COLEC11: variants seen among roughly 807,000 people sequenced by gnomAD.
COLEC11 encodes the protein collectin-11.
A neutral mutation model predicts 27.3 loss-of-function variants in COLEC11; 20 were observed. The ratio of observed to expected loss-of-function variants is 0.73; its 90% CI spans 0.51 to 1.06. The LOEUF is 1.06. COLEC11 is among the 50% of genes least tolerant of loss of function. COLEC11 has a pLI of 0.00. For missense variants in COLEC11, 310 were observed against 383.0 expected (o/e 0.81, Z 1.59); for synonymous variants, 163 against 154.7 (o/e 1.05, Z -0.40).
chr2:3,623,827 T>A (rs752724890), intron 3 of COLEC11, among the ~76,000 whole-genome samples: 24 of 152,264 alleles, frequency 1.6e-4, no homozygotes, highest in Middle Eastern at 3.4e-3. Context: ...TTGGGATTGG[T>A]TTACTAGAGT....
intron 4 of COLEC11, 91 bp from the exon 5 acceptor site, chr2:3,640,187 G>C: frequency 3.6e-6 from 3 of 833,072 alleles, no homozygotes; most frequent in Non-Finnish European, 4.1e-6. Flanking sequence ...ATAAATCCGC[G>C]AGACAAATCA....
intron 1 of COLEC11, among the ~76,000 whole-genome samples, chr2:3,603,155 C>T (rs1662360978): frequency 6.6e-6 from 1 of 152,162 alleles, no homozygotes; most frequent in Admixed American, 6.5e-5. Flanking sequence ...TCCCAGCTCG[C>T]CACGGCTCTT....
At chr2:3,613,217 G>C in intron 2 of COLEC11, 94 bp from the exon 3 acceptor site, 1 of 1,376,940 alleles carries the variant, frequency 7.3e-7, no homozygotes, top group South Asian at 1.2e-5. Context: ...CAGGGACCCG[G>C]GGAGAACGCT....
intron 3 of COLEC11, among the ~76,000 whole-genome samples, chr2:3,630,590 T>C (rs1048110263): frequency 1.8e-4 from 28 of 152,312 alleles, no homozygotes; most frequent in African/African-American, 6.7e-4. Context: ...ACTGGGAAAG[T>C]TGGATGCTTA....
rs1224605897 is a variant in COLEC11 at position 3,636,094 on chromosome 2, T to C, written c.203-1439T>C. ...AGACTAGGAGTTCCTGGCAGGGAAG[T>C]CCTTGGTTCTAAGGAGGCAGGTGGC... On this transcript the variant is annotated intron_variant, in intron 3 of 6. Transcript: ENST00000349077. 2.0e-5 allele frequency among the ~76,000 whole-genome samples: 3 copies of C among 152,316 alleles called. No individual in the cohort carries two copies. In the East Asian group the frequency reaches 5.8e-4, roughly 29 times the overall value.
At position 3,617,804 on chromosome 2, in the gene COLEC11, C is replaced by A. The variant is rs908161442; in HGVS notation, c.202+4422C>A. On this transcript the variant is annotated intron_variant, in intron 3 of 6. Coordinates refer to ENST00000349077, the MANE Select transcript of COLEC11 (RefSeq NM_024027.5). Reference sequence around the variant, plus strand: ...GAGCCTCTGTACTGTTTTCCATTCCCACCAGCAATGTCTAAGGGCTCGCCT... The same window carrying A: ...GAGCCTCTGTACTGTTTTCCATTCCAACCAGCAATGTCTAAGGGCTCGCCT... The A allele has an allele frequency of 1.6e-5, 12 of 762,794 alleles. 1 individual carries two copies. The Middle Eastern group carries it at 1.5e-3, about 98-fold the overall frequency. The allele number at this position is 762,794 out of a possible 1,614,324, so 47.3% of individuals were successfully genotyped here. A position where few individuals can be genotyped will look rare whatever the true frequency, so the allele number is the denominator to read the frequency against.
In COLEC11 at chr2:3,636,631, C is replaced by G. The variant is rs1572467690; in HGVS notation, c.203-902C>G. ...CTGAGTTAAATCAGGTTGCCTGTTT[C>G]TTTTCCCAGTTTTTCCCTATGTACT... is the stretch of plus-strand genomic sequence containing the variant. On this transcript the variant is annotated intron_variant, in intron 3 of 6. Transcript: ENST00000349077. 1.3e-5 allele frequency among the ~76,000 whole-genome samples: 2 copies of G among 152,206 alleles called. 1 individual carries two copies. The highest frequency in any genetic ancestry group is 4.8e-5 in the African/African-American group (2 of 41,454).
intron 3 of COLEC11, among the ~76,000 whole-genome samples, chr2:3,625,316 G>A (rs1011403553): frequency 6.6e-5 from 10 of 152,194 alleles, no homozygotes; most frequent in African/African-American, 2.2e-4. Context: ...GGGTGGGCAC[G>A]GATGGAGGGT....
intron 3 of COLEC11, among the ~76,000 whole-genome samples, chr2:3,627,685 G>T (rs1244452363): frequency 6.6e-6 from 1 of 150,632 alleles, no homozygotes; most frequent in African/African-American, 2.4e-5. Flanking sequence ...GCACAGTGAC[G>T]CTGGGCACGA....
intron 1 of COLEC11, among the ~76,000 whole-genome samples, chr2:3,597,746 G>A (rs1337897658): frequency 6.6e-6 from 1 of 151,808 alleles, no homozygotes; most frequent in Non-Finnish European, 1.5e-5. Context: ...TGCGTACTGA[G>A]TGGGTGGGGA....
chr2:3,629,638 CGT>C lies in COLEC11; in HGVS notation c.203-7887_203-7886del, dbSNP rs550765832. On this transcript the variant is annotated intron_variant, in intron 3 of 6. Transcript: ENST00000349077. ...AGCATTTGTGTGTATGTGCATATAG[CGT>C]GTGTGTGAATAGTATGTATGTGTAT... Among the ~76,000 whole-genome samples the C allele has an allele frequency of 1.5e-3, 229 of 152,036 alleles. 2 individuals carry two copies. Among genetic ancestry groups the C allele is most frequent in the Non-Finnish European group, 2.3e-3 (153 of 67,992 alleles).
Position 3,616,307 on chromosome 2 carries a change from C to T in COLEC11, c.202+2925C>T, listed in dbSNP as rs554396553. 2.8e-3 allele frequency among the ~76,000 whole-genome samples: 421 copies of T among 149,940 alleles called. 15 individuals carry two copies. Among genetic ancestry groups the T allele is most frequent in the African/African-American group, 0.01 (403 of 39,912 alleles). On this transcript the variant is annotated intron_variant, in intron 3 of 6. Coordinates refer to ENST00000349077, the MANE Select transcript of COLEC11 (RefSeq NM_024027.5). ...GCCGGGCAGAGGGGCTCCTCACATC[C>T]GAGACTATGGGCGGCCAGGCAGAGA...
intron 2 of COLEC11, among the ~76,000 whole-genome samples, chr2:3,607,924 C>T (rs1428814781): frequency 6.6e-6 from 1 of 152,222 alleles, no homozygotes; most frequent in East Asian, 1.9e-4. Context: ...TCCTGGCTTT[C>T]TCCTCTCTGA....
intron 2 of COLEC11, chr2:3,605,023 G>A (rs1471158688): frequency 2.1e-6 from 1 of 470,692 alleles, no homozygotes; most frequent in African/African-American, 2.0e-5. Context: ...TAGTTCTGCA[G>A]GTGAGGCATG....
intron 5 of COLEC11, among the ~76,000 whole-genome samples, chr2:3,641,060 A>C (rs1395336173): frequency 5.8e-4 from 38 of 65,772 alleles, no homozygotes; most frequent in Non-Finnish European, 5.6e-4. Flanking sequence ...CCCACCCACC[A>C]TGTAGACCCC....
At chr2:3,638,957 C>A (rs531524454) in intron 4 of COLEC11, among the ~76,000 whole-genome samples, 1 of 152,238 alleles carries the variant, frequency 6.6e-6, no homozygotes, top group Non-Finnish European at 1.5e-5. Flanking sequence ...TCCCACTAAC[C>A]AGTGGCTCCC....
chr2:3,617,367 A>G (rs1184479152), intron 3 of COLEC11, among the ~76,000 whole-genome samples: 1 of 152,286 alleles, frequency 6.6e-6, no homozygotes, highest in East Asian at 1.9e-4. Flanking sequence ...AGCCAGCCAG[A>G]CAGATGGGAG....
intron 3 of COLEC11, among the ~76,000 whole-genome samples, chr2:3,613,915 C>T (rs981472723): frequency 6.6e-6 from 1 of 151,496 alleles, no homozygotes; most frequent in Non-Finnish European, 1.5e-5. Context: ...TGGCTATTAT[C>T]TTTATATACT....
rs760954666 is a variant in COLEC11, at chr2:3,643,749, G to A, written c.447G>A (p.Thr149=). The A allele has an allele frequency of 9.3e-6, 15 of 1,613,526 alleles. No homozygotes were observed. The highest frequency in any genetic ancestry group is 2.2e-5 in the East Asian group (1 of 44,894). The change falls in exon 7 of 7, where the codon ACG becomes ACA. Residue 149 remains threonine, a synonymous_variant. Transcript: ENST00000349077. ...CAGCTGTCGCCGGTGTGCGCGAGAC[G>A]GAGAGCAAGATCTACCTGCTGGTGA... The part of the protein sequence containing the change: ...IKNAVAGVRE[T]ESKIYLLVKE...
Sources: gnomAD v4.1 joint callset for allele counts (sites outside exome capture counted in the v4.1 genomes callset) on GRCh38, gnomAD v4.1.1 for gene constraint, MANE v1.5 for transcripts, NCBI Gene and HGNC (gene_info 2026-07-23, HGNC 2026-07-21) for gene names.